The following NEDD4 variants were observed in gnomAD, a reference collection of about 807,000 sequenced individuals.
NEDD4 encodes the protein NEDD4 E3 ubiquitin protein ligase.
In NEDD4, 99 loss-of-function variants were observed where a neutral mutation model predicts 144.9. The observed-to-expected ratio is 0.68, with a 90% CI of 0.58 to 0.81. NEDD4 has a LOEUF of 0.81. Among genes scored for constraint, NEDD4 ranks in the 30% least tolerant of loss-of-function variants. The pLI, the probability that NEDD4 is intolerant of heterozygous loss-of-function variation, is 0.00. For missense variants in NEDD4, 985 were observed against 1,065.9 expected (o/e 0.92, Z 1.06); for synonymous variants, 318 against 350.6 (o/e 0.91, Z 1.04).
chr15:55,906,026 A>T (rs1326048336), intron 5 of NEDD4, among the ~76,000 whole-genome samples: 1 of 152,206 alleles, frequency 6.6e-6, no homozygotes, highest in Non-Finnish European at 1.5e-5. Flanking sequence ...CAGACACATG[A>T]AAAAATGCTC....
chr15:55,926,769 C>A (rs2036674505), intron 4 of NEDD4, among the ~76,000 whole-genome samples: 1 of 151,676 alleles, frequency 6.6e-6, no homozygotes, highest in East Asian at 1.9e-4. Flanking sequence ...CTGTCCCCTC[C>A]CCTCCACCAC....
chr15:55,986,410 G>A (rs1208431998), intron 1 of NEDD4, among the ~76,000 whole-genome samples: 1 of 152,046 alleles, frequency 6.6e-6, no homozygotes, highest in Admixed American at 6.6e-5. Context: ...TGACAGTGTT[G>A]GGACAAGTCA....
intron 1 of NEDD4, among the ~76,000 whole-genome samples, chr15:55,989,261 A>G (rs940067075): frequency 1.3e-4 from 20 of 152,334 alleles, no homozygotes; most frequent in Non-Finnish European, 2.6e-4. Context: ...ATTTAAAAAT[A>G]AATTATTTTA....
chr15:55,830,703 T>C (rs1334574202), intron 27 of NEDD4, 117 bp from the exon 28 acceptor site: 27 of 759,754 alleles, frequency 3.6e-5, no homozygotes, highest in Non-Finnish European at 6.0e-5. Flanking sequence ...ATCTGGTTTA[T>C]TTATTTATAT....
chr15:55,871,173 T>G (rs2034782047), intron 7 of NEDD4, among the ~76,000 whole-genome samples: 1 of 152,212 alleles, frequency 6.6e-6, no homozygotes, highest in Non-Finnish European at 1.5e-5. Context: ...GTCTCCATAC[T>G]GAAGGAGATG....
At chr15:55,963,722 G>A (rs1486358541) in intron 2 of NEDD4, among the ~76,000 whole-genome samples, 6 of 152,138 alleles carry the variant, frequency 3.9e-5, no homozygotes, top group Admixed American at 3.9e-4. Context: ...TACTATTTTT[G>A]ATACTCTTTA....
At chr15:55,866,375 A>G (rs528160013) in intron 8 of NEDD4, among the ~76,000 whole-genome samples, 4 of 151,652 alleles carry the variant, frequency 2.6e-5, no homozygotes, top group Non-Finnish European at 5.9e-5. Flanking sequence ...CCTTTCTCTT[A>G]AATTATGATA....
intron 1 of NEDD4, among the ~76,000 whole-genome samples, chr15:55,984,222 A>G: frequency 6.6e-6 from 1 of 152,218 alleles, no homozygotes; most frequent in East Asian, 1.9e-4. Context: ...CACATTCATC[A>G]TATTCCTGAG....
chr15:55,941,586 A>G (rs1423421646), intron 4 of NEDD4, among the ~76,000 whole-genome samples: 11 of 147,050 alleles, frequency 7.5e-5, no homozygotes, highest in African/African-American at 2.5e-4. Context: ...TTTTTTTGAG[A>G]CAGAGTCTCA....
At chr15:55,831,688 T>A (rs2032957629) in intron 27 of NEDD4, among the ~76,000 whole-genome samples, 1 of 152,200 alleles carries the variant, frequency 6.6e-6, no homozygotes. Flanking sequence ...TTAATGAGGC[T>A]TGGCAAGCTG....
At chr15:55,958,978 C>A (rs918822987) in intron 2 of NEDD4, among the ~76,000 whole-genome samples, 1 of 90,790 alleles carries the variant, frequency 1.1e-5, no homozygotes, top group Non-Finnish European at 2.5e-5. Context: ...CTTTTGATTA[C>A]AATAATTTTT....
chr15:55,956,400 T>A (rs1428530893), intron 2 of NEDD4, among the ~76,000 whole-genome samples: 1 of 152,160 alleles, frequency 6.6e-6, no homozygotes, highest in Non-Finnish European at 1.5e-5. Flanking sequence ...AGAGCAAAGA[T>A]TTTTTTCCTA....
chr15:55,945,181 T>C (rs1356775421), intron 4 of NEDD4, among the ~76,000 whole-genome samples: 7 of 152,124 alleles, frequency 4.6e-5, no homozygotes, highest in African/African-American at 1.2e-4. Context: ...TTGACAGAAG[T>C]AGGCTTCAGA....
intron 24 of NEDD4, 139 bp from the exon 25 acceptor site, chr15:55,834,425 T>C (rs1033978011): frequency 1.6e-6 from 1 of 618,822 alleles, no homozygotes; most frequent in Non-Finnish European, 2.9e-6. Context: ...TTCACTGAGA[T>C]CTCAATATTG....
At chr15:55,962,655 G>C (rs1285477153) in intron 2 of NEDD4, among the ~76,000 whole-genome samples, 1 of 151,768 alleles carries the variant, frequency 6.6e-6, no homozygotes, top group Non-Finnish European at 1.5e-5. Flanking sequence ...TGTTGCCCAG[G>C]CTACTCTCGA....
chr15:55,956,333 T>G (rs1255572122), intron 2 of NEDD4, among the ~76,000 whole-genome samples: 1 of 152,214 alleles, frequency 6.6e-6, no homozygotes, highest in Non-Finnish European at 1.5e-5. Flanking sequence ...TTTCAACATT[T>G]TTCTTTTATG....
intron 5 of NEDD4, among the ~76,000 whole-genome samples, chr15:55,903,654 G>C (rs1375630146): frequency 1.3e-5 from 2 of 150,790 alleles, no homozygotes; most frequent in East Asian, 3.9e-4. Flanking sequence ...TGAAACCTCA[G>C]CTCTACTAAA....
intron 5 of NEDD4, among the ~76,000 whole-genome samples, chr15:55,878,220 A>G (rs2035061242): frequency 6.6e-6 from 1 of 151,744 alleles, no homozygotes; most frequent in South Asian, 2.1e-4. Context: ...GACAAATTAG[A>G]TTTCATGATG....
Position 55,860,742 on chromosome 15 carries a change from T to G in NEDD4, c.711A>C (p.Gln237His), listed in dbSNP as rs747383393. The G allele has an allele frequency of 1.9e-6, 3 of 1,614,194 alleles. No individual in the cohort carries two copies. Among genetic ancestry groups the G allele is most frequent in the Non-Finnish European group, 2.5e-6 (3 of 1,180,002 alleles). ...NLTDAENGNI[Q>H]LQAQRAFTTR... ...TGGTAAATGCACGTTGTGCTTGCAG[T>G]TGAATGTTGCCATTCTCAGCATCTG... Residue 237 changes from glutamine to histidine, a missense_variant, in exon 10 of 29, where the codon CAA becomes CAC. Coordinates refer to ENST00000435532, the MANE Select transcript of NEDD4 (RefSeq NM_006154.4).
Sources: gnomAD v4.1 joint callset for allele counts (sites outside exome capture counted in the v4.1 genomes callset) on GRCh38, gnomAD v4.1.1 for gene constraint, MANE v1.5 for transcripts, NCBI Gene and HGNC (gene_info 2026-07-23, HGNC 2026-07-21) for gene names.